ACVR1B: variants seen among roughly 807,000 people sequenced by gnomAD.
The protein encoded by ACVR1B is activin receptor type-1B.
ACVR1B carries 15 observed loss-of-function variants against 55.6 expected under a neutral mutation model. That is an observed-to-expected ratio of 0.27 (90% confidence interval 0.18 to 0.42). ACVR1B has a LOEUF of 0.42. Ranked by LOEUF, ACVR1B falls within the 10% of genes least tolerant of loss-of-function variation. The probability of loss-of-function intolerance (pLI) is 1.00; values close to 1 mark genes in which losing one functional copy is unlikely to be tolerated. For synonymous variants in ACVR1B, 247 were observed against 254.6 expected, an observed-to-expected ratio of 0.97 and a Z score of 0.28; for missense variants, 359 against 670.1, an observed-to-expected ratio of 0.54 and a Z score of 5.13.
chr12:51,986,776 C>T (rs1417083573), intron 6 of ACVR1B, 42 bp from the exon 7 acceptor site: 8 of 1,579,730 alleles, frequency 5.1e-6, no homozygotes, highest in Non-Finnish European at 6.9e-6. Flanking sequence ...AGAGAGCAGT[C>T]ATCATTTTCT....
At chr12:51,962,738 T>G in intron 1 of ACVR1B, among the ~76,000 whole-genome samples, 1 of 152,234 alleles carries the variant, frequency 6.6e-6, no homozygotes, top group South Asian at 2.1e-4. Flanking sequence ...GATCAGTAGC[T>G]ATTAACAATT....
intron 1 of ACVR1B, among the ~76,000 whole-genome samples, chr12:51,957,400 C>T (rs1244782058): frequency 2.0e-5 from 3 of 148,980 alleles, no homozygotes; most frequent in Non-Finnish European, 3.0e-5. Flanking sequence ...GCGGAGACTG[C>T]GCCACTGCAC....
chr12:51,986,811 A>G lies in ACVR1B; in HGVS notation c.1137-7A>G, dbSNP rs1201803779. The G allele has an allele frequency of 4.4e-6, 7 of 1,606,726 alleles. No individual in the cohort carries two copies. The highest frequency in any genetic ancestry group is 1.3e-5 in the African/African-American group (1 of 74,544). ...TGTGCGTGACCATGTTTGTTTTGCT[A>G]TTGCAGATACATGGCCCCTGAAGTA... On this transcript the variant is annotated splice_region_variant and splice_polypyrimidine_tract_variant and intron_variant, in intron 6 of 8. Transcript: ENST00000257963.
rs766447192 is a variant in ACVR1B, at chr12:51,985,287, C to T, written c.1075C>T (p.Arg359Cys). ...CATAGCAGACCTGGGCCTGGCTGTC[C>T]GTCATGATGCAGTCACTGACACCAT... ...CAIADLGLAV[R>C]HDAVTDTIDI... is the part of the protein sequence containing the mutation. The change falls in exon 6 of 9, where the codon CGT (arginine) becomes TGT (cysteine). Residue 359 changes from arginine (R) to cysteine (C), a missense_variant. Around this residue, in one of 5 missense-constraint regions of ACVR1B, gnomAD observed 119 missense variants for 340.2 expected, o/e 0.35. Coordinates refer to ENST00000257963, the MANE Select transcript of ACVR1B (RefSeq NM_004302.5). 2.0e-5 allele frequency: 32 copies of T among 1,613,758 alleles called. No individual in the cohort carries two copies. The highest frequency in any genetic ancestry group is 1.6e-4 in the Middle Eastern group (1 of 6,082).
In ACVR1B at chr12:51,996,095, C is replaced by T. The variant is rs1288340225; in HGVS notation, c.*1985C>T. 1 of 152,262 alleles carries T rather than the reference C, an allele frequency of 6.6e-6. No individual in the cohort carries two copies. The highest frequency in any genetic ancestry group is 1.5e-5 in the Non-Finnish European group (1 of 68,134). The allele number at this position is 152,262 out of a possible 1,614,324, so 9.4% of individuals were successfully genotyped here. A position where few individuals can be genotyped will look rare whatever the true frequency, so the allele number is the denominator to read the frequency against. On this transcript the variant is annotated 3_prime_UTR_variant, in exon 9 of 9. Coordinates refer to ENST00000257963, the MANE Select transcript of ACVR1B (RefSeq NM_004302.5). The stretch of plus-strand genomic sequence containing the variant: ...CCCTTTTGAGCCTAGAATTATTGTT[C>T]TTATATAAGATCACTGAAGAAAGAG...
chr12:51,965,743 G>A (rs1245798175), intron 1 of ACVR1B, among the ~76,000 whole-genome samples: 1 of 152,136 alleles, frequency 6.6e-6, no homozygotes, highest in Non-Finnish European at 1.5e-5. Context: ...GAATTAGGCC[G>A]GACGTCAGTG....
At chr12:51,970,185 A>C (rs1941720352) in intron 1 of ACVR1B, among the ~76,000 whole-genome samples, 1 of 152,160 alleles carries the variant, frequency 6.6e-6, no homozygotes, top group Admixed American at 6.5e-5. Flanking sequence ...TGATCACATG[A>C]AGGTGTTCCT....
Position 51,981,206 on chromosome 12 carries a change from G to A in ACVR1B, c.811+7G>A, listed in dbSNP as rs2120663616. 6.2e-7 allele frequency: 1 copy of A among 1,612,424 alleles called. No individual in the cohort carries two copies. The highest frequency in any genetic ancestry group is 8.5e-7 in the Non-Finnish European group (1 of 1,178,574). Reference sequence around the variant, plus strand: ...ATTGCTGCTGACAATAAAGGTAAGGGCTGGGCTTGGATACAGCATTCCCAG... The same window carrying A: ...ATTGCTGCTGACAATAAAGGTAAGGACTGGGCTTGGATACAGCATTCCCAG... On this transcript the variant is annotated splice_region_variant and intron_variant, in intron 4 of 8. Coordinates refer to ENST00000257963, the MANE Select transcript of ACVR1B (RefSeq NM_004302.5).
At chr12:51,956,172 G>C (rs934440808) in intron 1 of ACVR1B, among the ~76,000 whole-genome samples, 8 of 152,182 alleles carry the variant, frequency 5.3e-5, no homozygotes, top group African/African-American at 1.9e-4. Flanking sequence ...CAGAGACAGT[G>C]CCACTTTAGG....
At chr12:51,979,910 C>G (rs1188605021) in intron 3 of ACVR1B, among the ~76,000 whole-genome samples, 1 of 152,050 alleles carries the variant, frequency 6.6e-6, no homozygotes, top group African/African-American at 2.4e-5. Flanking sequence ...TGTTGGAAGT[C>G]TTTTAGAGAA....
chr12:51,984,378 G>A (rs1313394128), intron 5 of ACVR1B, among the ~76,000 whole-genome samples: 1 of 152,196 alleles, frequency 6.6e-6, no homozygotes, highest in African/African-American at 2.4e-5. Context: ...AACTCCCTCA[G>A]GAACCCTATA....
At chr12:51,986,336 G>A (rs189814710) in intron 6 of ACVR1B, among the ~76,000 whole-genome samples, 200 of 152,358 alleles carry the variant, frequency 1.3e-3, no homozygotes, top group African/African-American at 4.7e-3. Flanking sequence ...ATGGCTCACT[G>A]CAGCCTCCGC....
At position 51,965,085 on chromosome 12, in the gene ACVR1B, T is replaced by C. The variant is rs2120504737; in HGVS notation, c.92-10180T>C. ...TACATATATGATCATATGTTTACTC[T>C]ATGTGTAATTTATGTTGGTGGACAA... On this transcript the variant is annotated intron_variant, in intron 1 of 8. Coordinates refer to ENST00000257963, the MANE Select transcript of ACVR1B (RefSeq NM_004302.5). Among the ~76,000 whole-genome samples, 2 of 152,318 alleles carry C rather than the reference T, an allele frequency of 1.3e-5. 1 individual carries two copies. Among genetic ancestry groups the C allele is most frequent in the African/African-American group, 4.8e-5 (2 of 41,582 alleles).
Position 51,951,985 on chromosome 12 carries a change from G to A in ACVR1B, c.91+151G>A, listed in dbSNP as rs1259988096. Reference sequence around the variant, plus strand: ...CGCAGAGGAGTCGGGGTGACCCCCAGTCAGCTTCCCCGATCTCCGAGGCGC... The same window carrying A: ...CGCAGAGGAGTCGGGGTGACCCCCAATCAGCTTCCCCGATCTCCGAGGCGC... On this transcript the variant is annotated intron_variant, in intron 1 of 8. Coordinates refer to ENST00000257963, the MANE Select transcript of ACVR1B (RefSeq NM_004302.5). 8.1e-5 allele frequency: 34 copies of A among 419,532 alleles called. No individual in the cohort carries two copies. In the Admixed American group the frequency reaches 1.7e-3, roughly 20 times the overall value. The allele number at this position is 419,532 out of a possible 1,614,324, so 26.0% of individuals were successfully genotyped here.
intron 1 of ACVR1B, among the ~76,000 whole-genome samples, chr12:51,970,933 T>C (rs947709104): frequency 3.3e-5 from 5 of 152,236 alleles, no homozygotes; most frequent in African/African-American, 7.2e-5. Context: ...GACCTTCATC[T>C]GTTAGGACAA....
intron 3 of ACVR1B, among the ~76,000 whole-genome samples, chr12:51,977,608 T>A (rs1192074442): frequency 9.2e-6 from 1 of 108,822 alleles, no homozygotes; most frequent in Non-Finnish European, 1.8e-5. Context: ...ATTGCATTCC[T>A]TTTTTTTTTT....
At chr12:51,990,299 C>T (rs1942165823) in intron 7 of ACVR1B, among the ~76,000 whole-genome samples, 1 of 141,942 alleles carries the variant, frequency 7.0e-6, no homozygotes, top group Non-Finnish European at 1.5e-5. Flanking sequence ...CACACACACA[C>T]ACAAATTTAG....
chr12:51,967,428 G>A (rs1295750029), intron 1 of ACVR1B, among the ~76,000 whole-genome samples: 4 of 147,420 alleles, frequency 2.7e-5, no homozygotes, highest in South Asian at 2.2e-4. Flanking sequence ...GTGTGGTGGC[G>A]GGCGCCTGTA....
chr12:51,956,601 A>G (rs1297845299), intron 1 of ACVR1B, among the ~76,000 whole-genome samples: 2 of 151,912 alleles, frequency 1.3e-5, no homozygotes, highest in Admixed American at 1.3e-4. Context: ...AAATGGGGCT[A>G]ATACAGTCTT....
Sources: allele counts gnomAD v4.1 joint callset (sites outside exome capture counted in the v4.1 genomes callset), GRCh38; gene constraint gnomAD v4.1.1; regional missense constraint gnomAD v4.1.1; transcripts MANE v1.5; gene names NCBI Gene and HGNC (gene_info 2026-07-23, HGNC 2026-07-21).